The following DCAF16 variants were observed in gnomAD, a reference collection of about 807,000 sequenced individuals.
DCAF16 encodes DDB1- and CUL4-associated factor 16.
In DCAF16, 10 loss-of-function variants were observed where a neutral mutation model predicts 17.3. That is an observed-to-expected ratio of 0.58 (90% CI 0.36 to 0.98). DCAF16 has a LOEUF of 0.98. Ranked by LOEUF, DCAF16 falls within the 50% of genes least tolerant of loss-of-function variation. The pLI is 0.01. For synonymous variants in DCAF16, 111 were observed against 92.8 expected, an observed-to-expected ratio of 1.20 and a Z score of -1.12; for missense variants, 249 against 247.6, an observed-to-expected ratio of 1.01 and a Z score of -0.04.
chr4:17,798,176 C>G (rs1400067038), downstream of DCAF16, among the ~76,000 whole-genome samples: 1 of 152,074 alleles, frequency 6.6e-6, no homozygotes, highest in Non-Finnish European at 1.5e-5. Context: ...TCAGAATCTT[C>G]CTAAATAAAC....
the DCAF16 span, among the ~76,000 whole-genome samples, chr4:17,795,228 C>A: frequency 2.6e-5 from 4 of 152,152 alleles, no homozygotes; most frequent in African/African-American, 9.7e-5. Context: ...GTGTTGCTAC[C>A]AAGAAATCTA....
At chr4:17,805,403 C>T (rs1297898136) in intron 1 of DCAF16, among the ~76,000 whole-genome samples, 178 bp from the exon 2 acceptor site, 1 of 151,754 alleles carries the variant, frequency 6.6e-6, no homozygotes. Flanking sequence ...ATGTTATTAT[C>T]AAATATGGCC....
rs1720019356 is a variant in DCAF16, at chr4:17,803,729, T to C, written c.413A>G (p.His138Arg). The stretch of plus-strand genomic sequence containing the variant: ...TTGCAGTGCTCCATTTAGAGTGGCA[T>C]GATCTCTAGAGAGCCGGCTGGGACT... ...LTSPSRLSRD[H>R]ATLNGALQFA... The change falls in exon 3 of 3, where the codon CAT becomes CGT. Residue 138 changes from histidine (H) to arginine (R), a missense_variant. Transcript: ENST00000382247. 6.2e-7 allele frequency: 1 copy of C among 1,614,158 alleles called. No homozygotes were observed. The highest frequency in any genetic ancestry group is 1.7e-5 in the Admixed American group (1 of 60,016).
At chr4:17,808,934 C>A (rs779269103) in intron 1 of DCAF16, among the ~76,000 whole-genome samples, 2 of 152,084 alleles carry the variant, frequency 1.3e-5, no homozygotes, top group Non-Finnish European at 2.9e-5. Context: ...GAGACTGAGG[C>A]GGGAGAATCG....
At position 17,810,538 on chromosome 4, in the gene DCAF16, C is replaced by G. The variant is rs1019373372; in HGVS notation, c.-841G>C. The G allele has an allele frequency of 2.0e-5, 3 of 152,364 alleles. No individual in the cohort carries two copies. Among genetic ancestry groups the G allele is most frequent in the Non-Finnish European group, 4.4e-5 (3 of 68,128 alleles). The allele number at this position is 152,364 out of a possible 1,614,324, so 9.4% of individuals were successfully genotyped here. A position where few individuals can be genotyped will look rare whatever the true frequency, so the allele number is the denominator to read the frequency against. On this transcript the variant is annotated 5_prime_UTR_variant, in exon 1 of 3. Transcript: ENST00000382247. ...GAACGCGCTACGAACTTTCCTTTGT[C>G]GCCGTCTCTCGAAGCGGAGCCCTCG...
At chr4:17,794,238 A>G in the DCAF16 span, among the ~76,000 whole-genome samples, 1 of 152,210 alleles carries the variant, frequency 6.6e-6, no homozygotes, top group Non-Finnish European at 1.5e-5. Flanking sequence ...ATTTTGGAAT[A>G]TTTACATATA....
Position 17,807,747 on chromosome 4 carries a change from C to A in DCAF16, c.-749-2522G>T, listed in dbSNP as rs144750287. Among the ~76,000 whole-genome samples, 365 of 152,264 alleles carry A rather than the reference C, an allele frequency of 2.4e-3. 1 individual carries two copies. The highest frequency in any genetic ancestry group is 7.8e-3 in the African/African-American group (325 of 41,550). ...CAGCAACATGGGTGGCCTTTAAAGG[C>A]ATAGCTTTAAATGAGAAAAGAGACA... On this transcript the variant is annotated intron_variant, in intron 1 of 2. Transcript: ENST00000382247.
Position 17,800,719 on chromosome 4 carries a change from T to G in DCAF16, c.*2772A>C, listed in dbSNP as rs1472050539. ...GCTGGGGAAAGGCTTCCTTTCGAAGTGAATAGCAAAAATGCATTCATGAGC... is the reference window on the plus strand; with the variant it reads ...GCTGGGGAAAGGCTTCCTTTCGAAGGGAATAGCAAAAATGCATTCATGAGC... On this transcript the variant is annotated 3_prime_UTR_variant, in exon 3 of 3. Coordinates refer to ENST00000382247, the MANE Select transcript of DCAF16 (RefSeq NM_017741.4). The G allele has an allele frequency of 1.3e-5, 2 of 152,644 alleles. No individual in the cohort carries two copies. Among genetic ancestry groups the G allele is most frequent in the Non-Finnish European group, 2.9e-5 (2 of 68,048 alleles). The allele number at this position is 152,644 out of a possible 1,614,324, so 9.5% of individuals were successfully genotyped here. A position where few individuals can be genotyped will look rare whatever the true frequency, so the allele number is the denominator to read the frequency against.
At chr4:17,808,292 G>A (rs970444883) in intron 1 of DCAF16, among the ~76,000 whole-genome samples, 10 of 152,184 alleles carry the variant, frequency 6.6e-5, no homozygotes, top group Admixed American at 6.5e-5. Flanking sequence ...AACTGAGACA[G>A]GAGAAGCTGT....
rs1719857899 is a variant in DCAF16, at chr4:17,802,225, A to G, written c.*1266T>C. ...TAAAATTTTAATCCATTAGCAGTTA[A>G]TGCTGAAAGCAGAAATGCTCTCTTA... On this transcript the variant is annotated 3_prime_UTR_variant, in exon 3 of 3. Coordinates refer to ENST00000382247, the MANE Select transcript of DCAF16 (RefSeq NM_017741.4). The G allele has an allele frequency of 1.3e-5, 2 of 152,656 alleles. No homozygotes were observed. Among genetic ancestry groups the G allele is most frequent in the Admixed American group, 6.5e-5 (1 of 15,280 alleles). 9.5% of individuals were successfully genotyped at this position (152,656 alleles called of 1,614,324 possible).
downstream of DCAF16, among the ~76,000 whole-genome samples, chr4:17,798,048 T>C (rs1471148346): frequency 1.3e-5 from 2 of 152,246 alleles, no homozygotes; most frequent in African/African-American, 2.4e-5. Flanking sequence ...TTTATGTGTA[T>C]ACTAGGAAGT....
downstream of DCAF16, among the ~76,000 whole-genome samples, chr4:17,800,128 G>A (rs1404673975): frequency 7.5e-6 from 1 of 134,060 alleles, no homozygotes; most frequent in African/African-American, 2.9e-5. Context: ...TGGGCAACAA[G>A]AGCGAAACTC....
chr4:17,807,327 A>G (rs1720418248), intron 1 of DCAF16, among the ~76,000 whole-genome samples: 1 of 152,248 alleles, frequency 6.6e-6, no homozygotes, highest in South Asian at 2.1e-4. Flanking sequence ...TAAAGAAATG[A>G]GCAATGGACA....
At position 17,800,715 on chromosome 4, in the gene DCAF16, G is replaced by T. The variant is rs565953020; in HGVS notation, c.*2776C>A. The T allele has an allele frequency of 1.3e-5, 2 of 152,590 alleles. No homozygotes were observed. Among genetic ancestry groups the T allele is most frequent in the Non-Finnish European group, 2.9e-5 (2 of 68,030 alleles). The allele number at this position is 152,590 out of a possible 1,614,324, so 9.5% of individuals were successfully genotyped here. A position where few individuals can be genotyped will look rare whatever the true frequency, so the allele number is the denominator to read the frequency against. On this transcript the variant is annotated 3_prime_UTR_variant, in exon 3 of 3. Transcript: ENST00000382247. ...CCAAGCTGGGGAAAGGCTTCCTTTC[G>T]AAGTGAATAGCAAAAATGCATTCAT...
At chr4:17,796,384 T>C (rs1464103892), downstream of DCAF16, among the ~76,000 whole-genome samples, 1 of 152,064 alleles carries the variant, frequency 6.6e-6, no homozygotes, top group Non-Finnish European at 1.5e-5. Context: ...TTTCCCTTCA[T>C]GGTAAAGAAG....
At chr4:17,796,994 G>T (rs1056207212), downstream of DCAF16, among the ~76,000 whole-genome samples, 2 of 152,066 alleles carry the variant, frequency 1.3e-5, no homozygotes, top group African/African-American at 2.4e-5. Context: ...ATGGGCGGTT[G>T]CTCTGGTGCC....
chr4:17,809,987 G>C (rs549849186), intron 1 of DCAF16, among the ~76,000 whole-genome samples: 5 of 152,214 alleles, frequency 3.3e-5, no homozygotes, highest in African/African-American at 1.2e-4. Flanking sequence ...CTCTGTAGAT[G>C]TCAATTTCTT....
chr4:17,808,000 G>A (rs1720485965), intron 1 of DCAF16, among the ~76,000 whole-genome samples: 1 of 152,166 alleles, frequency 6.6e-6, no homozygotes, highest in African/African-American at 2.4e-5. Flanking sequence ...AATGGCAAAG[G>A]CCTGCAGTAA....
rs1206627405 is a variant in DCAF16, at chr4:17,801,230, G to C, written c.*2261C>G. ...TGCAACCTCCACCTCCCAGGTTCAA[G>C]CAATTCTCCTGTCTTAGCCTCCCAA... On this transcript the variant is annotated 3_prime_UTR_variant, in exon 3 of 3. Coordinates refer to ENST00000382247, the MANE Select transcript of DCAF16 (RefSeq NM_017741.4). 1 of 152,000 alleles carries C rather than the reference G, an allele frequency of 6.6e-6. No individual in the cohort carries two copies. The highest frequency in any genetic ancestry group is 1.5e-5 in the Non-Finnish European group (1 of 68,052). 9.4% of individuals were successfully genotyped at this position (152,000 alleles called of 1,614,324 possible).
Sources: allele counts gnomAD v4.1 joint callset (sites outside exome capture counted in the v4.1 genomes callset), GRCh38; gene constraint gnomAD v4.1.1; transcripts MANE v1.5; gene names NCBI Gene and HGNC (gene_info 2026-07-23, HGNC 2026-07-21).